TENM3: variants seen among roughly 807,000 people sequenced by gnomAD.
TENM3 encodes the protein teneurin-3.
A neutral mutation model predicts 255.1 loss-of-function variants in TENM3; 63 were observed. The ratio of observed to expected loss-of-function variants is 0.25; its 90% CI spans 0.20 to 0.30. The LOEUF (loss-of-function observed/expected upper bound fraction) is 0.30, where lower values mean the gene tolerates loss of function less well. Ranked by LOEUF, TENM3 falls within the 10% of genes least tolerant of loss-of-function variation. The probability of loss-of-function intolerance (pLI) is 1.00; values close to 1 mark genes in which losing one functional copy is unlikely to be tolerated. For missense variants in TENM3, 2,929 were observed against 3,461.1 expected (o/e 0.85, Z 3.86); for synonymous variants, 1,306 against 1,322.3 (o/e 0.99, Z 0.27).
At chr4:181,922,029 A>C in the TENM3 span, among the ~76,000 whole-genome samples, 2 of 152,228 alleles carry the variant, frequency 1.3e-5, no homozygotes, top group South Asian at 2.1e-4. Flanking sequence ...TATATGCTGG[A>C]TTACATTTAT....
intron 5 of TENM3, among the ~76,000 whole-genome samples, chr4:182,643,949 A>C (rs1482638147): frequency 6.6e-6 from 1 of 152,182 alleles, no homozygotes; most frequent in African/African-American, 2.4e-5. Context: ...TCTCTTTCCC[A>C]TATTACCTCA....
At chr4:181,979,891 T>C in the TENM3 span, among the ~76,000 whole-genome samples, 37,851 of 152,124 alleles carry the variant, frequency 0.25, 4,868 homozygotes, top group Non-Finnish European at 0.28. Context: ...TTTTGTTTTA[T>C]TTCTGACCCA....
At chr4:182,188,645 G>A (rs182846527) in intron 1 of TENM3, among the ~76,000 whole-genome samples, 32 of 152,302 alleles carry the variant, frequency 2.1e-4, no homozygotes, top group Admixed American at 2.1e-3. Context: ...AAATGAGTGA[G>A]TAAAAGTGGC....
chr4:181,954,948 C>T, the TENM3 span, among the ~76,000 whole-genome samples: 2 of 152,250 alleles, frequency 1.3e-5, no homozygotes, highest in East Asian at 3.9e-4. Flanking sequence ...TGCAGTTTTC[C>T]AGCACTGTAC....
intron 1 of TENM3, among the ~76,000 whole-genome samples, chr4:182,320,028 G>A (rs1466263761): frequency 1.3e-5 from 2 of 152,024 alleles, no homozygotes; most frequent in Non-Finnish European, 2.9e-5. Flanking sequence ...TGGGAGAATC[G>A]CTTGAACAAG....
chr4:181,592,998 AC>A, the TENM3 span, among the ~76,000 whole-genome samples: 1 of 152,162 alleles, frequency 6.6e-6, no homozygotes, highest in Admixed American at 6.5e-5. Flanking sequence ...TCCTCATATG[AC>A]AAAGCAAGCC....
At position 182,398,566 on chromosome 4, in the gene TENM3, G is replaced by A. The variant is rs72995443; in HGVS notation, c.511+51637G>A. ...CTATGTCTTTCTAACTTAGTATGCT[G>A]GGTTCCTAGGAATGAGTCGCATGCA... is the stretch of plus-strand genomic sequence containing the variant. On this transcript the variant is annotated intron_variant, in intron 3 of 27. Transcript: ENST00000511685. Among the ~76,000 whole-genome samples, 466 of 152,218 alleles carry A rather than the reference G, an allele frequency of 3.1e-3. 2 individuals carry two copies. Among genetic ancestry groups the A allele is most frequent in the African/African-American group, 0.011 (449 of 41,496 alleles).
At chr4:182,135,792 G>A in the TENM3 span, among the ~76,000 whole-genome samples, 1 of 152,178 alleles carries the variant, frequency 6.6e-6, no homozygotes, top group African/African-American at 2.4e-5. Flanking sequence ...CAACACATAT[G>A]TAAGAAGAAT....
the TENM3 span, among the ~76,000 whole-genome samples, chr4:182,001,950 T>C: frequency 9.4e-4 from 143 of 152,284 alleles, no homozygotes; most frequent in Non-Finnish European, 1.5e-3. Flanking sequence ...TAGGAACTTG[T>C]ATGAAGTTTA....
At chr4:182,624,905 T>C (rs746224183) in intron 4 of TENM3, among the ~76,000 whole-genome samples, 3 of 152,116 alleles carry the variant, frequency 2.0e-5, no homozygotes, top group Non-Finnish European at 2.9e-5. Context: ...ATAAGCACTT[T>C]GAAGAAAATG....
the TENM3 span, among the ~76,000 whole-genome samples, chr4:181,649,132 T>G: frequency 6.6e-6 from 1 of 152,208 alleles, no homozygotes; most frequent in African/African-American, 2.4e-5. Flanking sequence ...CACCTCCATT[T>G]CTAGCAGAGA....
At chr4:181,785,843 C>A in the TENM3 span, among the ~76,000 whole-genome samples, 1,322 of 150,582 alleles carry the variant, frequency 8.8e-3, 18 homozygotes, top group African/African-American at 0.031. Flanking sequence ...CACACAAACA[C>A]ACACACTTTT....
At chr4:181,465,322 A>T in the TENM3 span, among the ~76,000 whole-genome samples, 18 of 144,986 alleles carry the variant, frequency 1.2e-4, no homozygotes, top group Non-Finnish European at 1.7e-4. Flanking sequence ...TTATTTTTTC[A>T]TTAAGATATA....
chr4:182,089,096 CA>C, the TENM3 span, among the ~76,000 whole-genome samples: 1 of 152,136 alleles, frequency 6.6e-6, no homozygotes, highest in Non-Finnish European at 1.5e-5. Flanking sequence ...AGTGGGCCCT[CA>C]CCAGACCCTG....
intron 3 of TENM3, among the ~76,000 whole-genome samples, chr4:182,591,460 CAG>C (rs1746642947): frequency 6.6e-6 from 1 of 152,146 alleles, no homozygotes; most frequent in African/African-American, 2.4e-5. Context: ...ATTTCATACT[CAG>C]TGTCTTTTTA....
At chr4:182,170,817 A>G (rs74897074) in intron 1 of TENM3, among the ~76,000 whole-genome samples, 7,305 of 152,326 alleles carry the variant, frequency 0.048, 246 homozygotes, top group Non-Finnish European at 0.069. Flanking sequence ...TAAGTGGCAA[A>G]GTAAAATTTC....
At chr4:182,164,312 A>G (rs1238518396) in intron 1 of TENM3, among the ~76,000 whole-genome samples, 5 of 152,204 alleles carry the variant, frequency 3.3e-5, no homozygotes, top group African/African-American at 1.2e-4. Context: ...CAAGTTACCA[A>G]GCCAGCAACC....
At chr4:181,635,244 T>A in the TENM3 span, among the ~76,000 whole-genome samples, 1 of 152,336 alleles carries the variant, frequency 6.6e-6, no homozygotes, top group South Asian at 2.1e-4. Context: ...ACATAATTAA[T>A]ATTGCACCTT....
chr4:181,839,384 TAC>T, the TENM3 span, among the ~76,000 whole-genome samples: 2,580 of 83,364 alleles, frequency 0.031, 125 homozygotes, highest in African/African-American at 0.085. Flanking sequence ...TATATATATA[TAC>T]ACCTATATAC....
Sources: allele counts gnomAD v4.1 joint callset (sites outside exome capture counted in the v4.1 genomes callset), GRCh38; gene constraint gnomAD v4.1.1; transcripts MANE v1.5; gene names NCBI Gene and HGNC (gene_info 2026-07-23, HGNC 2026-07-21).